Variants in SRPX observed in about 807,000 individuals in gnomAD.
SRPX encodes sushi repeat containing protein X-linked, also known as sushi repeat-containing protein SRPX.
Under a neutral mutation model 38.1 loss-of-function variants are expected in SRPX, and 24 were observed. That is an observed-to-expected ratio of 0.63 (90% CI 0.46 to 0.89). The LOEUF (loss-of-function observed/expected upper bound fraction) is 0.89. SRPX is among the 40% of genes least tolerant of loss of function. The pLI, the probability that SRPX is intolerant of heterozygous loss-of-function variation, is 0.00. For missense variants in SRPX, 416 were observed against 377.8 expected (o/e 1.10, Z -0.84); for synonymous variants, 184 against 153.8 (o/e 1.20, Z -1.45).
intron 6 of SRPX, 33 bp downstream of exon 6, chrX:38,160,900 G>C: frequency 8.3e-7 from 1 of 1,201,003 alleles, no homozygotes; most frequent in South Asian, 1.8e-5. Flanking sequence ...TCTAAAGAGA[G>C]GGGGAAACAA....
In SRPX at chrX:38,156,818, C is replaced by A. The variant is rs1345389832; in HGVS notation, c.1089+78G>T. 6.3e-6 allele frequency: 7 copies of A among 1,107,234 alleles called. No homozygotes were observed. In the African/African-American group the frequency reaches 1.3e-4, roughly 20 times the overall value. The allele number at this position is 1,107,234 out of a possible 1,213,427, so 91.2% of individuals were successfully genotyped here. ...TAAGTGCATTAGGCACTGAATCTGG[C>A]CTTTGCTTTTAGTGAAATGGCTGGG... is the stretch of plus-strand genomic sequence containing the variant. On this transcript the variant is annotated intron_variant, in intron 8 of 9. Coordinates refer to ENST00000378533, the MANE Select transcript of SRPX (RefSeq NM_006307.5).
At chrX:38,150,624 T>C (rs1032080833) in intron 9 of SRPX, among the ~76,000 whole-genome samples, 11 of 112,230 alleles carry the variant, frequency 9.8e-5, no homozygotes, top group Non-Finnish European at 1.9e-4. Flanking sequence ...TAAAGCTGAT[T>C]GATATAATTT....
At chrX:38,209,200 G>T (rs1248337541) in intron 1 of SRPX, among the ~76,000 whole-genome samples, 1 of 109,968 alleles carries the variant, frequency 9.1e-6, no homozygotes, top group Non-Finnish European at 1.9e-5. Context: ...CAAAAACATA[G>T]AAATGGAAGT....
At chrX:38,190,936 G>C (rs1243736289) in intron 1 of SRPX, among the ~76,000 whole-genome samples, 1 of 111,892 alleles carries the variant, frequency 8.9e-6, no homozygotes. Context: ...AATCTTGGAA[G>C]GATTTTTCTC....
intron 2 of SRPX, among the ~76,000 whole-genome samples, chrX:38,177,207 T>C (rs902634046): frequency 8.9e-6 from 1 of 111,794 alleles, no homozygotes; most frequent in Non-Finnish European, 1.9e-5. Context: ...ACCCCAAGCA[T>C]CTGATTAACG....
chrX:38,176,717 T>C (rs1412625248), intron 2 of SRPX, among the ~76,000 whole-genome samples: 3 of 111,682 alleles, frequency 2.7e-5, no homozygotes, highest in Non-Finnish European at 5.6e-5. Flanking sequence ...CGCTTGAACC[T>C]GGGAGGCGGA....
At chrX:38,156,755 G>T (rs1391399125) in intron 8 of SRPX, 141 bp downstream of exon 8, 4 of 663,589 alleles carry the variant, frequency 6.0e-6, no homozygotes, top group Non-Finnish European at 8.8e-6. Context: ...AGAAATGAAT[G>T]GTGGTAGCTC....
chrX:38,169,773 G>C (rs1461117662), intron 4 of SRPX, among the ~76,000 whole-genome samples: 1 of 112,003 alleles, frequency 8.9e-6, no homozygotes, highest in African/African-American at 3.2e-5. Flanking sequence ...GTCTAAAGGA[G>C]AGATCATGTG....
At chrX:38,159,459 C>T (rs1938196241) in intron 7 of SRPX, among the ~76,000 whole-genome samples, 1 of 113,232 alleles carries the variant, frequency 8.8e-6, no homozygotes, top group African/African-American at 3.2e-5. Context: ...CCCAATTTTT[C>T]TTCATCAGGA....
rs757465074 is a variant in SRPX at position 38,149,781 on chromosome X, A to G, written c.1325T>C (p.Ile442Thr). The change falls in exon 10 of 10, where the codon ATT becomes ACT. Residue 442 changes from isoleucine (I) to threonine (T), a missense_variant. Transcript: ENST00000378533. ...LVMPVALFNL[I>T]DTFPLRKEEM... ...TTCTTTTCTCAAGGGAAAAGTGTCA[A>G]TCAGGTTGAACAGGGCCACAGGCAT... The G allele has an allele frequency of 2.0e-5, 24 of 1,211,428 alleles. No individual in the cohort carries two copies. Among genetic ancestry groups the G allele is most frequent in the Non-Finnish European group, 2.6e-5 (23 of 895,397 alleles).
At chrX:38,209,910 C>G (rs1453926636) in intron 1 of SRPX, among the ~76,000 whole-genome samples, 1 of 111,609 alleles carries the variant, frequency 9.0e-6, no homozygotes, top group African/African-American at 3.3e-5. Context: ...TTTTTTTCTT[C>G]CCCACTTCCA....
chrX:38,151,739 G>A (rs181575192), intron 9 of SRPX, among the ~76,000 whole-genome samples: 5 of 111,464 alleles, frequency 4.5e-5, no homozygotes, highest in Non-Finnish European at 9.4e-5. Flanking sequence ...TCGGGGATGA[G>A]GTGTGATGCC....
intron 1 of SRPX, among the ~76,000 whole-genome samples, chrX:38,181,401 T>C (rs183433752): frequency 2.2e-4 from 25 of 112,566 alleles, no homozygotes; most frequent in Admixed American, 2.8e-4. Context: ...TGAAAGGGTC[T>C]ACTTTTAGTG....
chrX:38,208,627 C>T (rs777934496), intron 1 of SRPX, among the ~76,000 whole-genome samples: 8 of 111,142 alleles, frequency 7.2e-5, no homozygotes, highest in African/African-American at 1.6e-4. Flanking sequence ...GGTGGGCCTG[C>T]TTTCAACTTT....
rs6651846 is a variant in SRPX at position 38,164,495 on chromosome X, C to T, written c.653+274G>A. Among the ~76,000 whole-genome samples, 895 of 112,397 alleles carry T rather than the reference C, an allele frequency of 8.0e-3. 15 individuals carry two copies. Among genetic ancestry groups the T allele is most frequent in the African/African-American group, 0.027 (840 of 30,958 alleles). ...CATAATAATCACATCATTCACCACC[C>T]CTTATTTCTCCTTTTTCCTTCAGTA... On this transcript the variant is annotated intron_variant, in intron 5 of 9. Coordinates refer to ENST00000378533, the MANE Select transcript of SRPX (RefSeq NM_006307.5).
Position 38,195,407 on chromosome X carries a change from A to G in SRPX, c.98-17063T>C, listed in dbSNP as rs184687556. Among the ~76,000 whole-genome samples, 776 of 100,470 alleles carry G rather than the reference A, an allele frequency of 7.7e-3. 12 individuals carry two copies. The highest frequency in any genetic ancestry group is 0.027 in the African/African-American group (741 of 27,155). 87.2% of individuals were successfully genotyped at this position (100,470 alleles called of 115,157 possible). On this transcript the variant is annotated intron_variant, in intron 1 of 9. Coordinates refer to ENST00000378533, the MANE Select transcript of SRPX (RefSeq NM_006307.5). ...GTTTTTTTTTTTTTTTTTTTACCAT[A>G]CCCATATTATGTAAATATTCTTTTT...
At chrX:38,159,675 G>A (rs1473199100) in intron 7 of SRPX, among the ~76,000 whole-genome samples, 4 of 112,745 alleles carry the variant, frequency 3.5e-5, no homozygotes, top group Non-Finnish European at 7.5e-5. Flanking sequence ...TCTCTACATG[G>A]CAATTTACTA....
At chrX:38,208,619 T>C (rs1939256496) in intron 1 of SRPX, among the ~76,000 whole-genome samples, 1 of 111,007 alleles carries the variant, frequency 9.0e-6, no homozygotes, top group South Asian at 3.8e-4. Flanking sequence ...AAATGAAGGG[T>C]GGGCCTGCTT....
intron 4 of SRPX, among the ~76,000 whole-genome samples, chrX:38,171,138 C>A (rs934938435): frequency 1.8e-5 from 2 of 111,691 alleles, no homozygotes; most frequent in Non-Finnish European, 3.8e-5. Flanking sequence ...CTAGGACCCA[C>A]CGCAGACCTG....
Sources: allele counts gnomAD v4.1 joint callset (sites outside exome capture counted in the v4.1 genomes callset), GRCh38; gene constraint gnomAD v4.1.1; transcripts MANE v1.5; gene names NCBI Gene and HGNC (gene_info 2026-07-23, HGNC 2026-07-21).